Variants in HYCC2 observed in about 807,000 individuals in gnomAD.
HYCC2 encodes the protein hyccin PI4KA lipid kinase complex subunit 2.
At chr2:200,974,755 T>C in the HYCC2 span, 1 of 151,956 alleles carries the variant, frequency 6.6e-6, no homozygotes, top group East Asian at 1.9e-4. Flanking sequence ...CAAAAAAAAT[T>C]ATTTAACTTT....
At chr2:201,016,891 G>T in the HYCC2 span, 2 of 1,228,174 alleles carry the variant, frequency 1.6e-6, no homozygotes, top group Non-Finnish European at 2.3e-6. Flanking sequence ...ATGAGCCACT[G>T]CGCCTGGCCA....
the HYCC2 span, among the ~76,000 whole-genome samples, chr2:200,982,978 C>A: frequency 2.0e-5 from 3 of 151,908 alleles, no homozygotes; most frequent in East Asian, 5.8e-4. Flanking sequence ...GGCTGGTCTC[C>A]GACTCCTGAC....
the HYCC2 span, among the ~76,000 whole-genome samples, chr2:201,042,536 C>T: frequency 8.6e-5 from 13 of 151,992 alleles, no homozygotes; most frequent in African/African-American, 3.1e-4. Context: ...GCCGCCACCC[C>T]GTCTGGGAGG....
At chr2:201,016,081 T>C in the HYCC2 span, among the ~76,000 whole-genome samples, 1 of 152,200 alleles carries the variant, frequency 6.6e-6, no homozygotes, top group South Asian at 2.1e-4. Flanking sequence ...ATATTTTCAG[T>C]GTCCAACTCA....
At chr2:200,987,646 CTATT>C in the HYCC2 span, 5 of 727,004 alleles carry the variant, frequency 6.9e-6, no homozygotes, top group Non-Finnish European at 9.8e-6. Context: ...AACACAAACA[CTATT>C]TATATAGTTA....
the HYCC2 span, among the ~76,000 whole-genome samples, chr2:201,002,967 C>T: frequency 6.6e-6 from 1 of 152,112 alleles, no homozygotes; most frequent in African/African-American, 2.4e-5. Flanking sequence ...TCTAAATTTA[C>T]TCAATAAGAG....
At chr2:201,027,836 T>C in the HYCC2 span, among the ~76,000 whole-genome samples, 1 of 152,200 alleles carries the variant, frequency 6.6e-6, no homozygotes, top group African/African-American at 2.4e-5. Context: ...CAGCTATTTA[T>C]GACAACCTAC....
chr2:201,064,841 G>A, the HYCC2 span, among the ~76,000 whole-genome samples: 1 of 152,032 alleles, frequency 6.6e-6, no homozygotes, highest in Non-Finnish European at 1.5e-5. Flanking sequence ...AGACTCACAG[G>A]AAGTTGCAAA....
the HYCC2 span, among the ~76,000 whole-genome samples, chr2:201,012,133 C>T: frequency 6.6e-6 from 1 of 152,088 alleles, no homozygotes; most frequent in African/African-American, 2.4e-5. Context: ...TACAATCATT[C>T]GCAATAAACG....
chr2:201,047,564 C>T, the HYCC2 span, among the ~76,000 whole-genome samples: 1 of 150,932 alleles, frequency 6.6e-6, no homozygotes. Context: ...AAACTGATGA[C>T]AGAAATCAAT....
chr2:201,037,509 A>T, the HYCC2 span, among the ~76,000 whole-genome samples: 1 of 152,226 alleles, frequency 6.6e-6, no homozygotes, highest in African/African-American at 2.4e-5. Context: ...AGGCTACAGT[A>T]ACCAAAACAG....
the HYCC2 span, among the ~76,000 whole-genome samples, chr2:200,988,868 G>C: frequency 6.6e-6 from 1 of 152,178 alleles, no homozygotes; most frequent in Non-Finnish European, 1.5e-5. Flanking sequence ...TGACATACCT[G>C]GTAATTGCCA....
At chr2:200,989,396 T>C in the HYCC2 span, among the ~76,000 whole-genome samples, 4 of 152,322 alleles carry the variant, frequency 2.6e-5, no homozygotes, top group East Asian at 7.7e-4. Flanking sequence ...TTTGTTTTAA[T>C]ATAACTCTTA....
the HYCC2 span, among the ~76,000 whole-genome samples, chr2:201,025,333 T>C: frequency 1.3e-5 from 2 of 152,122 alleles, no homozygotes; most frequent in African/African-American, 4.8e-5. Flanking sequence ...AACCATTTGC[T>C]AGGATCTGGA....
At chr2:200,974,495 T>C in the HYCC2 span, 3 of 152,020 alleles carry the variant, frequency 2.0e-5, no homozygotes, top group Non-Finnish European at 2.9e-5. Context: ...CAGTGTCAAG[T>C]AGATGAACTT....
At chr2:201,002,151 G>A in the HYCC2 span, among the ~76,000 whole-genome samples, 22 of 151,472 alleles carry the variant, frequency 1.5e-4, 1 homozygote, top group African/African-American at 5.1e-4. Flanking sequence ...AAGAAAAATG[G>A]GGCTGGGCAC....
the HYCC2 span, among the ~76,000 whole-genome samples, chr2:201,044,988 A>G: frequency 3.3e-5 from 5 of 152,236 alleles, no homozygotes; most frequent in African/African-American, 1.2e-4. Context: ...ATAGCCAGTG[A>G]TGGTTTTGCT....
the HYCC2 span, among the ~76,000 whole-genome samples, chr2:201,048,736 G>A: frequency 1.3e-5 from 2 of 152,134 alleles, no homozygotes; most frequent in Admixed American, 1.3e-4. Flanking sequence ...AGAATTTATG[G>A]CAAGGATGAT....
the HYCC2 span, chr2:200,997,440 C>T: frequency 6.4e-7 from 1 of 1,569,576 alleles, no homozygotes; most frequent in South Asian, 1.1e-5. Context: ...AATCACTCTT[C>T]TCACCTGGAA....
Sources: gnomAD v4.1 joint callset for allele counts (sites outside exome capture counted in the v4.1 genomes callset) on GRCh38, gnomAD v4.1.1 for gene constraint, MANE v1.5 for transcripts, NCBI Gene and HGNC (gene_info 2026-07-23, HGNC 2026-07-21) for gene names.